CEP85L: variants seen among roughly 807,000 people sequenced by gnomAD.
CEP85L encodes centrosomal protein of 85 kDa-like.
Under a neutral mutation model 100.3 loss-of-function variants are expected in CEP85L, and 60 were observed. The ratio of observed to expected loss-of-function variants is 0.60; its 90% CI spans 0.49 to 0.74. CEP85L has a LOEUF of 0.74. CEP85L is among the 30% of genes least tolerant of loss of function. The pLI, the probability that CEP85L is intolerant of heterozygous loss-of-function variation, is 0.00. For missense variants in CEP85L, 973 were observed against 936.2 expected, an observed-to-expected ratio of 1.04 and a Z score of -0.51; for synonymous variants, 319 against 322.7, an observed-to-expected ratio of 0.99 and a Z score of 0.12.
At chr6:118,620,618 G>C (rs1476726310) in intron 2 of CEP85L, among the ~76,000 whole-genome samples, 1 of 152,220 alleles carries the variant, frequency 6.6e-6, no homozygotes, top group Non-Finnish European at 1.5e-5. Context: ...TTCAGCAAGA[G>C]GACTGAGGGT....
intron 5 of CEP85L, chr6:118,502,846 T>C: frequency 1.6e-6 from 1 of 618,250 alleles, no homozygotes; most frequent in South Asian, 1.6e-5. Flanking sequence ...TTTCCATTCC[T>C]TCCCCTGTCA....
chr6:118,472,337 A>G (rs1374885407), intron 10 of CEP85L, among the ~76,000 whole-genome samples: 2 of 152,086 alleles, frequency 1.3e-5, no homozygotes, highest in African/African-American at 4.8e-5. Context: ...GGAAAATCAG[A>G]TTTCTCATAT....
In CEP85L at chr6:118,511,361, C is replaced by G. The variant is rs1213805057; in HGVS notation, c.1194G>C (p.Arg398=). The change falls in exon 5 of 13, where the codon CGG becomes CGC. Residue 398 remains arginine, a synonymous_variant. Transcript: ENST00000368491. The part of the protein sequence containing the change: ...LHERIRDNEL[R]AQHAMLGHYV... ...AATGTCCTAACATGGCATGTTGAGC[C>G]CGTAATTCATTATCCCTTATCCTCT... is the stretch of plus-strand genomic sequence containing the variant. 2.5e-6 allele frequency: 4 copies of G among 1,613,134 alleles called. No individual in the cohort carries two copies. Among genetic ancestry groups the G allele is most frequent in the Non-Finnish European group, 3.4e-6 (4 of 1,179,480 alleles).
intron 1 of CEP85L, chr6:118,646,988 A>G (rs1183388826): frequency 2.0e-6 from 2 of 985,186 alleles, no homozygotes; most frequent in East Asian, 2.3e-4. Context: ...AATCAAGTTC[A>G]TTTCACCAAA....
intron 2 of CEP85L, among the ~76,000 whole-genome samples, chr6:118,611,780 A>G (rs1299712592): frequency 2.0e-5 from 3 of 152,236 alleles, no homozygotes; most frequent in African/African-American, 7.2e-5. Context: ...TAATGATAAA[A>G]GGGCCGACAG....
chr6:118,542,119 A>G (rs1485444405), intron 3 of CEP85L, among the ~76,000 whole-genome samples: 1 of 152,186 alleles, frequency 6.6e-6, no homozygotes, highest in Non-Finnish European at 1.5e-5. Context: ...ATATCCCCTG[A>G]TATTCAATAA....
intron 3 of CEP85L, among the ~76,000 whole-genome samples, chr6:118,545,347 T>C (rs548143492): frequency 2.0e-5 from 3 of 152,302 alleles, no homozygotes; most frequent in Admixed American, 6.5e-5. Flanking sequence ...CCCAGCACTT[T>C]GGGAGGCCGA....
chr6:118,538,182 C>A (rs1777707979), intron 3 of CEP85L, among the ~76,000 whole-genome samples: 1 of 151,888 alleles, frequency 6.6e-6, no homozygotes. Context: ...ATCAGTCACC[C>A]CTTCCTATTA....
At chr6:118,664,143 A>G (rs1292850381) in intron 1 of CEP85L, among the ~76,000 whole-genome samples, 3 of 151,340 alleles carry the variant, frequency 2.0e-5, no homozygotes, top group African/African-American at 7.3e-5. Flanking sequence ...CAGTCCTCCC[A>G]CCTCAGCCTC....
At chr6:118,579,656 T>C (rs1461588719) in intron 2 of CEP85L, among the ~76,000 whole-genome samples, 1 of 152,266 alleles carries the variant, frequency 6.6e-6, no homozygotes, top group Non-Finnish European at 1.5e-5. Flanking sequence ...AATGATAATC[T>C]GGTCCTTAAT....
chr6:118,505,409 C>CAAAAAAAAAAAAAAA (rs56893664), intron 5 of CEP85L, among the ~76,000 whole-genome samples: 8 of 71,822 alleles, frequency 1.1e-4, no homozygotes, highest in Non-Finnish European at 2.0e-4. Context: ...TCACTGTACT[C>CAAAAAAAAAAAAAAA]AAAAAAAAAA....
At chr6:118,495,686 G>A (rs1015373690) in intron 5 of CEP85L, among the ~76,000 whole-genome samples, 1 of 152,162 alleles carries the variant, frequency 6.6e-6, no homozygotes, top group Non-Finnish European at 1.5e-5. Context: ...TGGTGAAGAG[G>A]TGATCCTGCC....
intron 6 of CEP85L, among the ~76,000 whole-genome samples, chr6:118,488,746 T>C (rs1400673153): frequency 6.6e-6 from 1 of 152,044 alleles, no homozygotes; most frequent in Non-Finnish European, 1.5e-5. Flanking sequence ...CAAAGAAATA[T>C]GTACAAAGAC....
chr6:118,618,153 C>T (rs1773192492), intron 2 of CEP85L, among the ~76,000 whole-genome samples: 1 of 152,154 alleles, frequency 6.6e-6, no homozygotes, highest in Non-Finnish European at 1.5e-5. Flanking sequence ...CATGGCCCCA[C>T]CAGAGGCTCC....
At chr6:118,566,736 A>G in intron 2 of CEP85L, among the ~76,000 whole-genome samples, 1 of 152,172 alleles carries the variant, frequency 6.6e-6, no homozygotes, top group East Asian at 1.9e-4. Context: ...AGCTTTTCAA[A>G]AAGACGTCCT....
Position 118,565,631 on chromosome 6 carries a change from T to C in CEP85L, c.918A>G (p.Thr306=), listed in dbSNP as rs1232652268. The change falls in exon 3 of 13, where the codon ACA becomes ACG. Residue 306 remains threonine, a synonymous_variant. Coordinates refer to ENST00000368491, the MANE Select transcript of CEP85L (RefSeq NM_001042475.3). The stretch of plus-strand genomic sequence containing the variant: ...CTGTATTTCTACCTTCCAAAGGATT[T>C]GTCCGCAGCTGCTCTGTAAGCCACA... ...TQMWLTEQLR[T]NPLEGRNTED... 1 of 1,614,234 alleles carries C rather than the reference T, an allele frequency of 6.2e-7. No homozygotes were observed. Among genetic ancestry groups the C allele is most frequent in the Admixed American group, 1.7e-5 (1 of 60,030 alleles).
chr6:118,612,993 C>T (rs1245873688), intron 2 of CEP85L, among the ~76,000 whole-genome samples: 13 of 151,598 alleles, frequency 8.6e-5, no homozygotes, highest in Non-Finnish European at 1.2e-4. Flanking sequence ...TCGAGGCGGG[C>T]GGATCGCCTG....
chr6:118,558,615 A>ACACGTG (rs1167908425), intron 3 of CEP85L, among the ~76,000 whole-genome samples: 12 of 138,666 alleles, frequency 8.7e-5, no homozygotes, highest in Non-Finnish European at 1.6e-4. Flanking sequence ...ACACATAGAA[A>ACACGTG]CACGTGCACA....
intron 9 of CEP85L, 91 bp downstream of exon 9, chr6:118,480,305 A>T (rs922951715): frequency 1.6e-6 from 1 of 642,128 alleles, no homozygotes; most frequent in Non-Finnish European, 2.6e-6. Context: ...AACAAAATAT[A>T]AATCACATAA....
Sources: allele counts gnomAD v4.1 joint callset (sites outside exome capture counted in the v4.1 genomes callset), GRCh38; gene constraint gnomAD v4.1.1; transcripts MANE v1.5; gene names NCBI Gene and HGNC (gene_info 2026-07-23, HGNC 2026-07-21).